OR2L13: variants seen among roughly 807,000 people sequenced by gnomAD.
OR2L13 encodes the protein olfactory receptor 2L13.
A neutral mutation model predicts 15.3 loss-of-function variants in OR2L13; 14 were observed. The observed-to-expected ratio is 0.91, with a 90% CI of 0.60 to 1.43. The LOEUF (loss-of-function observed/expected upper bound fraction) is 1.43, where lower values mean the gene tolerates loss of function less well. Ranked by LOEUF, OR2L13 falls within the 40% of genes most tolerant of loss-of-function variation. OR2L13 has a pLI of 0.00. For synonymous variants in OR2L13, 152 were observed against 142.9 expected (o/e 1.06, Z -0.45); for missense variants, 367 against 387.9 (o/e 0.95, Z 0.45).
chr1:248,072,872 A>T, the OR2L13 span, among the ~76,000 whole-genome samples: 1 of 152,240 alleles, frequency 6.6e-6, no homozygotes, highest in Non-Finnish European at 1.5e-5. Flanking sequence ...AACACATGAA[A>T]AAATGCTCAC....
At chr1:247,952,929 G>C in the OR2L13 span, among the ~76,000 whole-genome samples, 1 of 152,046 alleles carries the variant, frequency 6.6e-6, no homozygotes, top group Non-Finnish European at 1.5e-5. Flanking sequence ...TCAGTAAATG[G>C]CATCACTGAC....
At chr1:247,991,220 C>T in the OR2L13 span, 7 of 1,476,458 alleles carry the variant, frequency 4.7e-6, no homozygotes, top group East Asian at 1.2e-4. Context: ...TACGTTCTGC[C>T]TTAGAGTCAA....
At chr1:248,027,333 T>A in the OR2L13 span, among the ~76,000 whole-genome samples, 1 of 152,174 alleles carries the variant, frequency 6.6e-6, no homozygotes, top group African/African-American at 2.4e-5. Context: ...TGCCCAAAAC[T>A]TCATTAGCAA....
chr1:247,988,052 A>C, the OR2L13 span, among the ~76,000 whole-genome samples: 1 of 152,260 alleles, frequency 6.6e-6, no homozygotes, highest in African/African-American at 2.4e-5. Flanking sequence ...CACAATTTTC[A>C]TGAAATTTTT....
At chr1:248,064,919 T>A in the OR2L13 span, among the ~76,000 whole-genome samples, 2 of 152,250 alleles carry the variant, frequency 1.3e-5, no homozygotes, top group South Asian at 4.1e-4. Flanking sequence ...CCCCTGTAGG[T>A]TCTGGCTCAG....
chr1:247,980,917 AT>A, the OR2L13 span: 2 of 152,204 alleles, frequency 1.3e-5, no homozygotes, highest in Non-Finnish European at 2.9e-5. Flanking sequence ...TGTGTTTGAA[AT>A]TGAGGAGATA....
chr1:248,061,420 G>C, the OR2L13 span: 8 of 1,613,924 alleles, frequency 5.0e-6, no homozygotes, highest in Non-Finnish European at 2.5e-6. Context: ...CCTCACTGTA[G>C]TAACTTTCTA....
chr1:248,060,845 A>G, the OR2L13 span: 1 of 1,613,900 alleles, frequency 6.2e-7, no homozygotes, highest in Non-Finnish European at 8.5e-7. Flanking sequence ...ACCCATCTCC[A>G]CACACCCATG....
chr1:247,987,457 T>C, the OR2L13 span, among the ~76,000 whole-genome samples: 2 of 152,146 alleles, frequency 1.3e-5, no homozygotes, highest in Admixed American at 6.6e-5. Flanking sequence ...AATCCTAGAG[T>C]AAAAATTGTC....
At chr1:247,990,576 C>T in the OR2L13 span, 15 of 1,563,356 alleles carry the variant, frequency 9.6e-6, no homozygotes, top group East Asian at 1.3e-4. Flanking sequence ...GTTTCTTCTT[C>T]CTGACTTTAG....
the OR2L13 span, chr1:248,040,728 C>T: frequency 6.6e-6 from 1 of 152,232 alleles, no homozygotes; most frequent in East Asian, 1.9e-4. Context: ...GTAAGGCTTG[C>T]TGTCAATAGT....
the OR2L13 span, chr1:247,965,525 G>A: frequency 1.9e-6 from 3 of 1,612,632 alleles, no homozygotes; most frequent in South Asian, 1.1e-5. Context: ...CACCTCATTC[G>A]ACTGAACACC....
At chr1:248,047,199 G>C in the OR2L13 span, among the ~76,000 whole-genome samples, 22,507 of 152,054 alleles carry the variant, frequency 0.15, 1,938 homozygotes, top group East Asian at 0.32. Flanking sequence ...TCATAATAAT[G>C]ATTGTAGGGG....
At chr1:247,959,836 C>G in the OR2L13 span, among the ~76,000 whole-genome samples, 1 of 152,106 alleles carries the variant, frequency 6.6e-6, no homozygotes, top group African/African-American at 2.4e-5. Flanking sequence ...TTCTAGTCAG[C>G]CATTCATCTA....
the OR2L13 span, among the ~76,000 whole-genome samples, chr1:248,037,225 G>C: frequency 6.6e-6 from 1 of 152,104 alleles, no homozygotes; most frequent in Non-Finnish European, 1.5e-5. Flanking sequence ...GTCTAACTTA[G>C]AGAAAGTTTG....
the OR2L13 span, among the ~76,000 whole-genome samples, chr1:248,055,403 T>C: frequency 0.1 from 15,193 of 151,208 alleles, 870 homozygotes; most frequent in East Asian, 0.16. Context: ...AAAGTTTTCT[T>C]TTTTTTTTGT....
the OR2L13 span, among the ~76,000 whole-genome samples, chr1:248,076,337 T>TC: frequency 6.6e-6 from 1 of 152,180 alleles, no homozygotes; most frequent in Non-Finnish European, 1.5e-5. Context: ...TGGGCTCTTT[T>TC]TGGTTCCATA....
chr1:248,012,489 C>A, the OR2L13 span, among the ~76,000 whole-genome samples: 2 of 152,148 alleles, frequency 1.3e-5, no homozygotes, highest in African/African-American at 4.8e-5. Context: ...CCTCTACCTG[C>A]ATCTAATAAG....
chr1:248,001,594 A>G, the OR2L13 span, among the ~76,000 whole-genome samples: 1 of 152,014 alleles, frequency 6.6e-6, no homozygotes. Context: ...ATTTCTGTAA[A>G]TAAAAGAATA....
Sources: gnomAD v4.1 joint callset for allele counts (sites outside exome capture counted in the v4.1 genomes callset) on GRCh38, gnomAD v4.1.1 for gene constraint, MANE v1.5 for transcripts, NCBI Gene and HGNC (gene_info 2026-07-23, HGNC 2026-07-21) for gene names.